Variants in NR2C2 observed in about 807,000 individuals in gnomAD.
NR2C2 encodes the protein nuclear receptor subfamily 2 group C member 2, also known as Nuclear hormone receptor TR4.
Under a neutral mutation model 62.9 loss-of-function variants are expected in NR2C2, and 6 were observed. The observed-to-expected ratio is 0.10, with a 90% CI of 0.05 to 0.19. NR2C2 has a LOEUF of 0.19. Among genes scored for constraint, NR2C2 ranks in the 10% least tolerant of loss-of-function variants. The pLI is 1.00. For synonymous variants in NR2C2, 272 were observed against 273.8 expected (o/e 0.99, Z 0.07); for missense variants, 479 against 762.7 (o/e 0.63, Z 4.38).
At position 15,047,453 on chromosome 3, in the gene NR2C2, C is replaced by G. The variant is rs2042496242; in HGVS notation, c.*4445C>G. 1 of 152,176 alleles carries G rather than the reference C, an allele frequency of 6.6e-6. No individual in the cohort carries two copies. The highest frequency in any genetic ancestry group is 6.5e-5 in the Admixed American group (1 of 15,276). 9.4% of individuals were successfully genotyped at this position (152,176 alleles called of 1,614,324 possible). A position where few individuals can be genotyped will look rare whatever the true frequency, so the allele number is the denominator to read the frequency against. ...GGGAATTTTTAACCTTTTCATGCAC[C>G]TATTCATGGCCCTACCTGGAAGGAA... On this transcript the variant is annotated 3_prime_UTR_variant, in exon 14 of 14. Coordinates refer to ENST00000425241, the MANE Select transcript of NR2C2 (RefSeq NM_001291694.2).
intron 3 of NR2C2, among the ~76,000 whole-genome samples, chr3:15,014,887 C>G (rs1251447082): frequency 6.6e-6 from 1 of 152,134 alleles, no homozygotes; most frequent in African/African-American, 2.4e-5. Context: ...TTGCTTCCAC[C>G]TTTTGGCTGT....
chr3:15,021,660 A>G (rs1275704266), intron 5 of NR2C2, among the ~76,000 whole-genome samples: 2 of 152,226 alleles, frequency 1.3e-5, no homozygotes, highest in Non-Finnish European at 2.9e-5. Flanking sequence ...AGCTTAGCAG[A>G]GCAAGGCATG....
Position 15,045,691 on chromosome 3 carries a change from CT to C in NR2C2, c.*2685del, listed in dbSNP as rs1436166092. The C allele has an allele frequency of 6.6e-6, 1 of 152,670 alleles. No homozygotes were observed. Among genetic ancestry groups the C allele is most frequent in the African/African-American group, 2.4e-5 (1 of 41,452 alleles). The allele number at this position is 152,670 out of a possible 1,614,324, so 9.5% of individuals were successfully genotyped here. On this transcript the variant is annotated 3_prime_UTR_variant, in exon 14 of 14. Coordinates refer to ENST00000425241, the MANE Select transcript of NR2C2 (RefSeq NM_001291694.2). ...AAAGTCAGCCCAAAGTCAAGAATTA[CT>C]TAAAGAGATGCAAACCAAATATTTG...
At position 15,013,676 on chromosome 3, in the gene NR2C2, A is replaced by T. The variant is rs922060740; in HGVS notation, c.160A>T (p.Thr54Ser). The change falls in exon 3 of 14, where the codon ACC becomes TCC. Residue 54 changes from threonine to serine, a missense_variant. By Grantham distance (58) the Thr-to-Ser change is moderately conservative (BLOSUM62 1). Around this residue, in one of 4 missense-constraint regions of NR2C2, gnomAD observed 115 missense variants for 152.3 expected, o/e 0.76. Coordinates refer to ENST00000425241, the MANE Select transcript of NR2C2 (RefSeq NM_001291694.2). ...ATCCCCCAAACAGCAGTTCATCCTG[A>T]CCAGCCCAGATGGAGCTGGAACTGG... The part of the protein sequence containing the change: ...SGSPKQQFIL[T>S]SPDGAGTGKV... The T allele has an allele frequency of 3.7e-6, 6 of 1,614,048 alleles. No individual in the cohort carries two copies. Among genetic ancestry groups the T allele is most frequent in the Non-Finnish European group, 5.1e-6 (6 of 1,180,028 alleles).
intron 6 of NR2C2, among the ~76,000 whole-genome samples, chr3:15,023,675 G>C (rs994172493): frequency 6.6e-6 from 1 of 152,178 alleles, no homozygotes; most frequent in South Asian, 2.1e-4. Flanking sequence ...GGTGAGATAA[G>C]GTCTCAGTGC....
chr3:14,981,512 A>C (rs2040367387), intron 1 of NR2C2, among the ~76,000 whole-genome samples: 1 of 150,552 alleles, frequency 6.6e-6, no homozygotes, highest in Non-Finnish European at 1.5e-5. Context: ...CTGAGGCAGG[A>C]GAATGGCATG....
At chr3:14,997,524 A>G (rs2040865341) in intron 1 of NR2C2, among the ~76,000 whole-genome samples, 1 of 152,234 alleles carries the variant, frequency 6.6e-6, no homozygotes, top group South Asian at 2.1e-4. Flanking sequence ...AAACAGAGCT[A>G]GCAGTTATGT....
chr3:15,003,857 GC>G lies in NR2C2; in HGVS notation c.-39-16del. 1 of 1,547,150 alleles carries G rather than the reference GC, an allele frequency of 6.5e-7. No individual in the cohort carries two copies. Among genetic ancestry groups the G allele is most frequent in the Non-Finnish European group, 8.9e-7 (1 of 1,120,004 alleles). On this transcript the variant is annotated intron_variant, in intron 1 of 13. Coordinates refer to ENST00000425241, the MANE Select transcript of NR2C2 (RefSeq NM_001291694.2). ...TCATTCTGAACCCCCTTGTGATCCA[GC>G]CCACTTCTCACCCACAGGTAACACG...
At chr3:15,037,211 G>GTGTGTA (rs2042129210) in intron 11 of NR2C2, among the ~76,000 whole-genome samples, 1 of 77,718 alleles carries the variant, frequency 1.3e-5, no homozygotes, top group Non-Finnish European at 2.9e-5. Context: ...TTTTTTGTTT[G>GTGTGTA]TGTGTGTGTG....
At chr3:15,042,800 C>T (rs750405971) in intron 13 of NR2C2, 34 bp from the exon 14 acceptor site, 6 of 1,597,910 alleles carry the variant, frequency 3.8e-6, no homozygotes, top group East Asian at 2.2e-5. Flanking sequence ...GGGCATCAAA[C>T]AGTCTCCTTT....
intron 7 of NR2C2, 140 bp from the exon 8 acceptor site, chr3:15,028,446 G>T (rs1440132199): frequency 5.9e-6 from 4 of 674,300 alleles, no homozygotes; most frequent in Non-Finnish European, 9.8e-6. Flanking sequence ...TCACTAAAAA[G>T]ATCTTCCTCG....
intron 13 of NR2C2, among the ~76,000 whole-genome samples, chr3:15,041,271 T>C (rs1364678587): frequency 6.6e-6 from 1 of 152,236 alleles, no homozygotes; most frequent in African/African-American, 2.4e-5. Flanking sequence ...CTCATATTGA[T>C]TATTCCTCCT....
chr3:14,952,253 A>G (rs2039387626), intron 1 of NR2C2, among the ~76,000 whole-genome samples: 1 of 152,226 alleles, frequency 6.6e-6, no homozygotes, highest in African/African-American at 2.4e-5. Flanking sequence ...TGTTGTCTGA[A>G]TGACTTTGAG....
At chr3:14,957,771 C>G (rs543492228) in intron 1 of NR2C2, among the ~76,000 whole-genome samples, 43 of 152,218 alleles carry the variant, frequency 2.8e-4, no homozygotes, top group Admixed American at 1.0e-3. Context: ...TCTACAGTCT[C>G]TGTCTTTTCT....
rs1368321760 is a variant in NR2C2 at position 15,044,437 on chromosome 3, T to G, written c.*1429T>G. ...TCCTCATAAATTGTAGCAACCAGAGTTTACAGCAAGAACAGTATGCGCTTA... is the reference window on the plus strand; with the variant it reads ...TCCTCATAAATTGTAGCAACCAGAGGTTACAGCAAGAACAGTATGCGCTTA... On this transcript the variant is annotated 3_prime_UTR_variant, in exon 14 of 14. Coordinates refer to ENST00000425241, the MANE Select transcript of NR2C2 (RefSeq NM_001291694.2). 11 of 151,908 alleles carry G rather than the reference T, an allele frequency of 7.2e-5. No homozygotes were observed. Among genetic ancestry groups the G allele is most frequent in the African/African-American group, 1.2e-4 (5 of 41,312 alleles). 9.4% of individuals were successfully genotyped at this position (151,908 alleles called of 1,614,324 possible).
intron 8 of NR2C2, among the ~76,000 whole-genome samples, chr3:15,029,384 C>G (rs1264401395): frequency 2.0e-5 from 3 of 152,218 alleles, no homozygotes. Flanking sequence ...TGTTTCTTCT[C>G]TGCAGTTTGG....
chr3:14,972,468 C>T (rs753743335), intron 1 of NR2C2, among the ~76,000 whole-genome samples: 1 of 152,194 alleles, frequency 6.6e-6, no homozygotes, highest in Middle Eastern at 3.2e-3. Flanking sequence ...GCCAGTACAC[C>T]AGGCTGAGCA....
At chr3:15,022,444 C>T (rs1430449886) in intron 5 of NR2C2, among the ~76,000 whole-genome samples, 1 of 144,472 alleles carries the variant, frequency 6.9e-6, no homozygotes, top group African/African-American at 2.6e-5. Flanking sequence ...GCTCTGTTGC[C>T]CAGGTTGGAG....
chr3:15,018,565 T>A (rs1200814963), intron 4 of NR2C2, among the ~76,000 whole-genome samples: 2 of 152,128 alleles, frequency 1.3e-5, no homozygotes, highest in East Asian at 3.9e-4. Context: ...CACCTCCAGT[T>A]AGGATGTCTA....
Sources: gnomAD v4.1 joint callset for allele counts (sites outside exome capture counted in the v4.1 genomes callset) on GRCh38, gnomAD v4.1.1 for gene constraint, gnomAD v4.1.1 regional missense constraint, MANE v1.5 for transcripts, NCBI Gene and HGNC (gene_info 2026-07-23, HGNC 2026-07-21) for gene names.